BAZ2B: variants seen among roughly 807,000 people sequenced by gnomAD.
BAZ2B encodes bromodomain adjacent to zinc finger domain protein 2B.
BAZ2B carries 91 observed loss-of-function variants against 246.0 expected under a neutral mutation model. The observed-to-expected ratio is 0.37, with a 90% CI of 0.31 to 0.44. The LOEUF (loss-of-function observed/expected upper bound fraction) is 0.44. Ranked by LOEUF, BAZ2B falls within the 20% of genes least tolerant of loss-of-function variation. The probability of loss-of-function intolerance (pLI) is 1.00; values close to 1 mark genes in which losing one functional copy is unlikely to be tolerated. For synonymous variants in BAZ2B, 855 were observed against 860.0 expected, an observed-to-expected ratio of 0.99 and a Z score of 0.10; for missense variants, 2,332 against 2,533.7, an observed-to-expected ratio of 0.92 and a Z score of 1.71.
chr2:159,566,781 G>A (rs1472570618), intron 1 of BAZ2B, among the ~76,000 whole-genome samples: 3 of 152,002 alleles, frequency 2.0e-5, no homozygotes, highest in Admixed American at 1.3e-4. Flanking sequence ...AACTTTTCCC[G>A]CTCTAATTAT....
chr2:159,686,615 T>TA, the BAZ2B span, among the ~76,000 whole-genome samples: 61,634 of 151,796 alleles, frequency 0.41, 13,069 homozygotes, highest in African/African-American at 0.51. Context: ...AGAGGGATAT[T>TA]AAAAAAATAA....
In BAZ2B at chr2:159,588,470, G is replaced by A. The variant is rs116265194; in HGVS notation, c.-46+27772C>T. Among the ~76,000 whole-genome samples the A allele has an allele frequency of 4.5e-3, 688 of 152,018 alleles. 4 individuals are homozygous for A. Among genetic ancestry groups the A allele is most frequent in the African/African-American group, 0.015 (635 of 41,430 alleles). On this transcript the variant is annotated intron_variant, in intron 1 of 36. Coordinates refer to ENST00000392783, the MANE Select transcript of BAZ2B (RefSeq NM_013450.4). ...GCCCAGGAGTTGGAGGCTGCAGTGG[G>A]CTATGATTGGTCACTGCACTCCAGC... is the stretch of plus-strand genomic sequence containing the variant.
chr2:159,568,286 A>T (rs1286808883), intron 1 of BAZ2B, among the ~76,000 whole-genome samples: 4 of 152,196 alleles, frequency 2.6e-5, no homozygotes, highest in African/African-American at 9.6e-5. Context: ...AAAAACTTGA[A>T]ATTGTCAAAT....
At chr2:159,609,911 T>C (rs1391414165) in intron 1 of BAZ2B, among the ~76,000 whole-genome samples, 1 of 152,182 alleles carries the variant, frequency 6.6e-6, no homozygotes, top group South Asian at 2.1e-4. Context: ...TCTTAAATTA[T>C]GAATATGCAA....
the BAZ2B span, among the ~76,000 whole-genome samples, chr2:159,641,525 T>C: frequency 2.6e-5 from 4 of 152,218 alleles, no homozygotes; most frequent in African/African-American, 7.2e-5. Flanking sequence ...GTTTACTCTG[T>C]TGATAGTTGC....
rs1390186675 is a variant in BAZ2B, at chr2:159,477,032, G to A, written c.145+1543C>T. 5.9e-5 allele frequency among the ~76,000 whole-genome samples: 9 copies of A among 152,158 alleles called. No homozygotes were observed. In the East Asian group the frequency reaches 1.3e-3, roughly 23 times the overall value. Reference sequence around the variant, plus strand: ...TAAAAAATATATAGTGCGGCTGGGCGCGGTGGCTCACGCCTGTAATCCCAG... The same window carrying A: ...TAAAAAATATATAGTGCGGCTGGGCACGGTGGCTCACGCCTGTAATCCCAG... On this transcript the variant is annotated intron_variant, in intron 3 of 36. Coordinates refer to ENST00000392783, the MANE Select transcript of BAZ2B (RefSeq NM_013450.4).
chr2:159,494,262 G>A (rs529835527), intron 2 of BAZ2B, among the ~76,000 whole-genome samples: 2 of 152,070 alleles, frequency 1.3e-5, no homozygotes, highest in Admixed American at 1.3e-4. Flanking sequence ...CCACATAGTA[G>A]AATCATAAAA....
At chr2:159,566,165 C>A (rs1682526772) in intron 1 of BAZ2B, among the ~76,000 whole-genome samples, 1 of 152,252 alleles carries the variant, frequency 6.6e-6, no homozygotes, top group Non-Finnish European at 1.5e-5. Context: ...GCATGCACCA[C>A]CACGTCTGGC....
intron 2 of BAZ2B, among the ~76,000 whole-genome samples, chr2:159,488,988 G>C (rs1196042141): frequency 6.6e-6 from 1 of 152,120 alleles, no homozygotes; most frequent in African/African-American, 2.4e-5. Flanking sequence ...TGTATTTTGA[G>C]AACCAACCTA....
intron 27 of BAZ2B, among the ~76,000 whole-genome samples, chr2:159,353,776 C>A (rs1352144439): frequency 6.6e-6 from 1 of 152,184 alleles, no homozygotes; most frequent in Non-Finnish European, 1.5e-5. Flanking sequence ...TCAGAAGGAT[C>A]TTGCTTTAGG....
At chr2:159,411,012 A>G (rs553594929) in intron 14 of BAZ2B, among the ~76,000 whole-genome samples, 1 of 152,256 alleles carries the variant, frequency 6.6e-6, no homozygotes, top group South Asian at 2.1e-4. Flanking sequence ...ACTGATAACA[A>G]TGAGAATGTC....
chr2:159,387,335 C>T (rs1004128116), intron 21 of BAZ2B, among the ~76,000 whole-genome samples: 1 of 152,100 alleles, frequency 6.6e-6, no homozygotes, highest in Non-Finnish European at 1.5e-5. Flanking sequence ...AATTGCAGTA[C>T]CAGTTGTCAT....
intron 1 of BAZ2B, among the ~76,000 whole-genome samples, chr2:159,599,804 C>T (rs1425292818): frequency 1.3e-5 from 2 of 149,750 alleles, no homozygotes; most frequent in African/African-American, 2.5e-5. Context: ...GGCGTGGTAG[C>T]GGAAGCCTGT....
chr2:159,661,090 C>T, the BAZ2B span, among the ~76,000 whole-genome samples: 1 of 152,148 alleles, frequency 6.6e-6, no homozygotes, highest in Non-Finnish European at 1.5e-5. Context: ...TCTTTCCCTC[C>T]CTACTCCCCT....
chr2:159,383,692 A>C lies in BAZ2B; in HGVS notation c.3687-12T>G. 3 of 1,602,050 alleles carry C rather than the reference A, an allele frequency of 1.9e-6. No homozygotes were observed. Among genetic ancestry groups the C allele is most frequent in the Non-Finnish European group, 2.6e-6 (3 of 1,172,328 alleles). Reference sequence around the variant, plus strand: ...TCTTGTCGATTTCACTGCCAATGCAAGAATTTATTAAAAAGTGTAAATTAA... The same window carrying C: ...TCTTGTCGATTTCACTGCCAATGCACGAATTTATTAAAAAGTGTAAATTAA... On this transcript the variant is annotated splice_polypyrimidine_tract_variant and intron_variant, in intron 23 of 36. Coordinates refer to ENST00000392783, the MANE Select transcript of BAZ2B (RefSeq NM_013450.4).
At chr2:159,628,692 C>T in the BAZ2B span, among the ~76,000 whole-genome samples, 417 of 152,156 alleles carry the variant, frequency 2.7e-3, 8 homozygotes, top group Non-Finnish European at 5.4e-4. Context: ...AAGACTTAAA[C>T]GTAAGACCTA....
chr2:159,670,438 T>C, the BAZ2B span, among the ~76,000 whole-genome samples: 1 of 152,192 alleles, frequency 6.6e-6, no homozygotes, highest in Non-Finnish European at 1.5e-5. Context: ...ACTATATCTC[T>C]TCTCTTCATG....
intron 19 of BAZ2B, among the ~76,000 whole-genome samples, chr2:159,396,797 T>C (rs1383043374): frequency 1.3e-5 from 2 of 152,152 alleles, no homozygotes; most frequent in Admixed American, 6.6e-5. Flanking sequence ...TATATCTAAT[T>C]GTATAGTGAT....
intron 1 of BAZ2B, chr2:159,615,761 G>C (rs557059074): frequency 1.3e-5 from 2 of 152,290 alleles, no homozygotes; most frequent in Non-Finnish European, 2.9e-5. Context: ...AAAACTGTTG[G>C]CGGCGACCTG....
Sources: gnomAD v4.1 joint callset for allele counts (sites outside exome capture counted in the v4.1 genomes callset) on GRCh38, gnomAD v4.1.1 for gene constraint, MANE v1.5 for transcripts, NCBI Gene and HGNC (gene_info 2026-07-23, HGNC 2026-07-21) for gene names.